The following FAM133B variants were observed in gnomAD, a reference collection of about 807,000 sequenced individuals.
FAM133B encodes protein FAM133B.
In FAM133B, 25 loss-of-function variants were observed where a neutral mutation model predicts 46.4. The ratio of observed to expected loss-of-function variants is 0.54; its 90% confidence interval spans 0.39 to 0.75. FAM133B has a LOEUF of 0.75. Among genes scored for constraint, FAM133B ranks in the 30% least tolerant of loss-of-function variants. FAM133B has a pLI of 0.00. For missense variants in FAM133B, 205 were observed against 277.6 expected, an observed-to-expected ratio of 0.74 and a Z score of 1.86; for synonymous variants, 75 against 86.0, an observed-to-expected ratio of 0.87 and a Z score of 0.71.
chr7:92,570,617 C>T lies in FAM133B; in HGVS notation c.517-702G>A, dbSNP rs1214133190. On this transcript the variant is annotated intron_variant, in intron 8 of 10. Transcript: ENST00000445716. ...ACTGTTCTGTATATCTGAAGTAGTT[C>T]ATAACAAAAACAAAACTACCCAATG... is the stretch of plus-strand genomic sequence containing the variant. 2.6e-5 allele frequency among the ~76,000 whole-genome samples: 4 copies of T among 151,994 alleles called. No homozygotes were observed. The East Asian group carries it at 5.8e-4, about 22-fold the overall frequency.
rs763170734 is a variant in FAM133B at position 92,579,356 on chromosome 7, G to C, written c.162C>G (p.Gly54=). 1 of 1,609,732 alleles carries C rather than the reference G, an allele frequency of 6.2e-7. No homozygotes were observed. Among genetic ancestry groups the C allele is most frequent in the Non-Finnish European group, 8.5e-7 (1 of 1,178,790 alleles). ...CTTCAAATTCAGCCAAAGCCTTGGA[G>C]CCTTTCTTTTTCTTTTCTAGTTGCT... ...VKEQLEKKKK[G]SKALAEFEEK... Residue 54 remains glycine, a synonymous_variant, in exon 3 of 11, where the codon GGC becomes GGG. Coordinates refer to ENST00000445716, the MANE Select transcript of FAM133B (RefSeq NM_152789.4).
intron 1 of FAM133B, among the ~76,000 whole-genome samples, chr7:92,588,524 C>T (rs1455602965): frequency 6.6e-6 from 1 of 152,120 alleles, no homozygotes. Flanking sequence ...AAGAACAACC[C>T]GCTATCTTGT....
intron 9 of FAM133B, among the ~76,000 whole-genome samples, chr7:92,568,524 A>ATTTT (rs745580425): frequency 8.5e-5 from 10 of 118,214 alleles, no homozygotes; most frequent in Admixed American, 1.8e-4. Flanking sequence ...CGCCTGGCTA[A>ATTTT]TTTTTTTTTT....
At chr7:92,565,904 A>G (rs1794332125) in intron 10 of FAM133B, 110 bp downstream of exon 10, 2 of 1,186,054 alleles carry the variant, frequency 1.7e-6, no homozygotes, top group Non-Finnish European at 2.5e-6. Flanking sequence ...ACCTTTCCCA[A>G]CAAATACTTA....
At chr7:92,565,298 C>T (rs6948949) in intron 10 of FAM133B, among the ~76,000 whole-genome samples, 9,156 of 150,658 alleles carry the variant, frequency 0.061, 533 homozygotes, top group East Asian at 0.27. Context: ...TACAGGCGCC[C>T]GCCACCACGC....
rs377271275 is a variant in FAM133B at position 92,590,254 on chromosome 7, G to C, written c.24+14C>G. On this transcript the variant is annotated intron_variant, in intron 1 of 10. Transcript: ENST00000445716. ...CCCTGCGTCGCCCCACTGTTTTCCC[G>C]GCTGAGTACTCACCACCCGATTGTC... 4 of 1,613,512 alleles carry C rather than the reference G, an allele frequency of 2.5e-6. No individual in the cohort carries two copies. Among genetic ancestry groups the C allele is most frequent in the South Asian group, 1.1e-5 (1 of 91,080 alleles).
At chr7:92,589,513 A>C (rs889497014) in intron 1 of FAM133B, among the ~76,000 whole-genome samples, 1 of 152,158 alleles carries the variant, frequency 6.6e-6, no homozygotes, top group African/African-American at 2.4e-5. Flanking sequence ...ATTTCAATTA[A>C]TCTGTAAGGT....
intron 1 of FAM133B, chr7:92,581,812 G>A (rs1562896989): frequency 2.2e-6 from 1 of 456,882 alleles, no homozygotes; most frequent in Non-Finnish European, 4.0e-6. Flanking sequence ...GTGTGTGTGT[G>A]TGTGTGTGTG....
chr7:92,570,977 G>A (rs1199014257), intron 8 of FAM133B, among the ~76,000 whole-genome samples: 2 of 152,074 alleles, frequency 1.3e-5, no homozygotes, highest in Non-Finnish European at 2.9e-5. Context: ...TCACCCAATA[G>A]TATCTTTCCA....
At position 92,590,312 on chromosome 7, in the gene FAM133B, G is replaced by C. The variant is rs367766159; in HGVS notation, c.-21C>G. Reference sequence around the variant, plus strand: ...CCCATGGTGCTGGATCGAGCGCACAGTAGCACGCCGAGGGAAACCGGGCCG... The same window carrying C: ...CCCATGGTGCTGGATCGAGCGCACACTAGCACGCCGAGGGAAACCGGGCCG... On this transcript the variant is annotated 5_prime_UTR_variant, in exon 1 of 11. Coordinates refer to ENST00000445716, the MANE Select transcript of FAM133B (RefSeq NM_152789.4). 2.4e-5 allele frequency: 39 copies of C among 1,613,680 alleles called. No homozygotes were observed. The highest frequency in any genetic ancestry group is 3.2e-5 in the Non-Finnish European group (38 of 1,179,744).
At chr7:92,590,150 A>G (rs889235546) in intron 1 of FAM133B, 118 bp downstream of exon 1, 10 of 1,501,760 alleles carry the variant, frequency 6.7e-6, no homozygotes, top group Admixed American at 1.8e-5. Flanking sequence ...CTGGGTCTCC[A>G]GGCCCCACGT....
At chr7:92,572,742 G>GT (rs1435641284) in intron 8 of FAM133B, among the ~76,000 whole-genome samples, 55 of 152,154 alleles carry the variant, frequency 3.6e-4, no homozygotes, top group African/African-American at 1.3e-3. Context: ...ACAAAAAACA[G>GT]TAACTGTGGA....
chr7:92,562,312 C>T lies in FAM133B; in HGVS notation c.714G>A (p.Lys238=). ...HKKHSKKKKK[K]AASSSPDSP ...GTGAGTCAGGACTTGAACTAGCAGCCTTCTTTTTCTTCTTCTTACTGTGTT... is the reference window on the plus strand; with the variant it reads ...GTGAGTCAGGACTTGAACTAGCAGCTTTCTTTTTCTTCTTCTTACTGTGTT... The change falls in exon 11 of 11, where the codon AAG becomes AAA. Residue 238 remains lysine (K), a synonymous_variant. Coordinates refer to ENST00000445716, the MANE Select transcript of FAM133B (RefSeq NM_152789.4). The T allele has an allele frequency of 6.5e-7, 1 of 1,534,322 alleles. No homozygotes were observed. Among genetic ancestry groups the T allele is most frequent in the South Asian group, 1.2e-5 (1 of 83,318 alleles).
intron 1 of FAM133B, among the ~76,000 whole-genome samples, chr7:92,584,266 A>C (rs1722463679): frequency 6.6e-6 from 1 of 152,124 alleles, no homozygotes; most frequent in African/African-American, 2.4e-5. Flanking sequence ...TTTGATTGAA[A>C]ATGACTACCC....
rs553239153 is a variant in FAM133B, at chr7:92,580,546, G to A, written c.122+960C>T. On this transcript the variant is annotated intron_variant, in intron 2 of 10. Transcript: ENST00000445716. Reference sequence around the variant, plus strand: ...ACTAAGGGCATTAAGTGCCTCTCACGTGATCCCACTAGGGGAGGACCCTTC... The same window carrying A: ...ACTAAGGGCATTAAGTGCCTCTCACATGATCCCACTAGGGGAGGACCCTTC... Among the ~76,000 whole-genome samples, 7 of 152,318 alleles carry A rather than the reference G, an allele frequency of 4.6e-5. No homozygotes were observed. The East Asian group carries it at 9.7e-4, about 21-fold the overall frequency.
At chr7:92,578,495 C>T in intron 3 of FAM133B, 102 bp from the exon 4 acceptor site, 1 of 989,758 alleles carries the variant, frequency 1.0e-6, no homozygotes. Context: ...CTCTTAATAC[C>T]TCTCACCCAT....
intron 1 of FAM133B, chr7:92,585,401 T>A: frequency 1.0e-6 from 1 of 975,434 alleles, no homozygotes; most frequent in South Asian, 4.7e-5. Context: ...CAGTACCTAA[T>A]GGCAAAATAT....
intron 8 of FAM133B, among the ~76,000 whole-genome samples, chr7:92,574,853 C>T (rs1192524734): frequency 6.7e-5 from 10 of 149,512 alleles, no homozygotes; most frequent in African/African-American, 9.9e-5. Context: ...TGCAGTGAGC[C>T]GAGATTGCGC....
At chr7:92,586,164 T>C (rs916435339) in intron 1 of FAM133B, among the ~76,000 whole-genome samples, 1 of 152,202 alleles carries the variant, frequency 6.6e-6, no homozygotes, top group Admixed American at 6.5e-5. Flanking sequence ...TACAATTACA[T>C]GAACTACTGC....
Sources: allele counts gnomAD v4.1 joint callset (sites outside exome capture counted in the v4.1 genomes callset), GRCh38; gene constraint gnomAD v4.1.1; transcripts MANE v1.5; gene names NCBI Gene and HGNC (gene_info 2026-07-23, HGNC 2026-07-21).